UBTF: variants seen among roughly 807,000 people sequenced by gnomAD.
The protein encoded by UBTF is nucleolar transcription factor 1.
In UBTF, 8 loss-of-function variants were observed where a neutral mutation model predicts 112.3. The observed-to-expected ratio is 0.07, with a 90% CI of 0.04 to 0.13. UBTF has a LOEUF of 0.13. Ranked by LOEUF, UBTF falls within the 10% of genes least tolerant of loss-of-function variation. UBTF has a pLI of 1.00. For missense variants in UBTF, 457 were observed against 982.1 expected, an observed-to-expected ratio of 0.47 and a Z score of 7.15; for synonymous variants, 417 against 373.1, an observed-to-expected ratio of 1.12 and a Z score of -1.36.
chr17:44,207,304 A>T lies in UBTF; in HGVS notation c.2233T>A (p.Ser745Thr), dbSNP rs750556487. The T allele has an allele frequency of 9.4e-5, 152 of 1,612,258 alleles. 1 individual carries two copies. In the Middle Eastern group the frequency reaches 1.2e-3, roughly 12 times the overall value. The change falls in exon 21 of 21, where the codon TCC becomes ACC. Residue 745 changes from serine to threonine, a missense_variant. By Grantham distance (58) the Ser-to-Thr change is moderately conservative. Around this residue, in one of 7 missense-constraint regions of UBTF, gnomAD observed 139 missense variants for 157.5 expected, o/e 0.88. Coordinates refer to ENST00000436088, the MANE Select transcript of UBTF (RefSeq NM_014233.4). The stretch of plus-strand genomic sequence containing the variant: ...GAGGAGCTGGAGCTGCTGCCCTCGG[A>T]CTCATTATCTTCATCCTCATCGTCA... ...EDDDEDEDNE[S>T]EGSSSSSSSS...
intron 17 of UBTF, 54 bp from the exon 18 acceptor site, chr17:44,207,965 A>G (rs1157161315): frequency 6.2e-7 from 1 of 1,610,430 alleles, no homozygotes; most frequent in Non-Finnish European, 8.5e-7. Flanking sequence ...CTGCTGACTG[A>G]GCATGCTGGC....
At chr17:44,218,415 T>C (rs2046955819) in intron 1 of UBTF, 119 bp from the exon 2 acceptor site, 1 of 616,750 alleles carries the variant, frequency 1.6e-6, no homozygotes, top group African/African-American at 1.9e-5. Context: ...GCCATGACCT[T>C]ATTAGACTTA....
At position 44,209,626 on chromosome 17, in the gene UBTF, C is replaced by T; in HGVS notation, c.1715+19G>A. ...GACCCTCCCCGACCTCCAGGGCAGA[C>T]TCCAACCCCCAGGCTCACATGGGAG... On this transcript the variant is annotated intron_variant, in intron 16 of 20. Transcript: ENST00000436088. The T allele has an allele frequency of 1.9e-6, 3 of 1,614,168 alleles. No homozygotes were observed. The highest frequency in any genetic ancestry group is 2.5e-6 in the Non-Finnish European group (3 of 1,180,012).
chr17:44,206,847 A>C lies in UBTF; in HGVS notation c.*395T>G. On this transcript the variant is annotated 3_prime_UTR_variant, in exon 21 of 21. Transcript: ENST00000436088. ...TCTGGGAAGGAATGGGTCTTCCCCA[A>C]GCTTCCACCCCACCTTGGATTGGGC... The C allele has an allele frequency of 3.6e-6, 1 of 277,636 alleles. No individual in the cohort carries two copies. The highest frequency in any genetic ancestry group is 2.2e-5 in the African/African-American group (1 of 45,756). The allele number at this position is 277,636 out of a possible 1,614,324, so 17.2% of individuals were successfully genotyped here.
rs1051028040 is a variant in UBTF at position 44,207,524 on chromosome 17, C to T, written c.2099G>A (p.Gly700Glu). The change falls in exon 20 of 21, where the codon GGG (glycine) becomes GAG (glutamate). Residue 700 changes from glycine to glutamate, a missense_variant. By Grantham distance (98) the Gly-to-Glu change is moderately conservative (BLOSUM62 -2). Transcript: ENST00000436088. ...GTCGCCGCCATCTTCAGAGGAGTCCCCATTCTCATCATCTTCCTCTTCTTC... is the reference window on the plus strand; with the variant it reads ...GTCGCCGCCATCTTCAGAGGAGTCCTCATTCTCATCATCTTCCTCTTCTTC... ...EDEEEEDDEN[G>E]DSSEDGGDSS... The T allele has an allele frequency of 1.9e-6, 3 of 1,613,846 alleles. No homozygotes were observed. Among genetic ancestry groups the T allele is most frequent in the East Asian group, 4.5e-5 (2 of 44,858 alleles).
Position 44,207,115 on chromosome 17 carries a change from T to TAAAG in UBTF, c.*123_*126dup, listed in dbSNP as rs1324381589. 9.9e-7 allele frequency: 1 copy of TAAAG among 1,007,560 alleles called. No homozygotes were observed. Among genetic ancestry groups the TAAAG allele is most frequent in the Non-Finnish European group, 1.4e-6 (1 of 706,562 alleles). 62.4% of individuals were successfully genotyped at this position (1,007,560 alleles called of 1,614,324 possible). On this transcript the variant is annotated 3_prime_UTR_variant, in exon 21 of 21. Transcript: ENST00000436088. The stretch of plus-strand genomic sequence containing the variant: ...CCCCCACCGTATTTTTTTTTTTTTT[T>TAAAG]AAAGAAAGAAAGAAAGTGGGGGAGG...
Position 44,208,823 on chromosome 17 carries a change from C to T in UBTF, c.1905+529G>A, listed in dbSNP as rs188796805. 5.0e-4 allele frequency: 138 copies of T among 277,002 alleles called. 2 individuals carry two copies. The highest frequency in any genetic ancestry group is 2.7e-3 in the South Asian group (101 of 37,194). 17.2% of individuals were successfully genotyped at this position (277,002 alleles called of 1,614,324 possible). ...AGGAAAAGGCAGTCTGATTTGGATT[C>T]TTCTACTTACTGTGTGACCTTGGGC... is the stretch of plus-strand genomic sequence containing the variant. On this transcript the variant is annotated intron_variant, in intron 17 of 20. Coordinates refer to ENST00000436088, the MANE Select transcript of UBTF (RefSeq NM_014233.4).
Position 44,212,328 on chromosome 17 carries a change from G to A in UBTF, c.771+16C>T, listed in dbSNP as rs911599056. 10 of 1,601,328 alleles carry A rather than the reference G, an allele frequency of 6.2e-6. No homozygotes were observed. The highest frequency in any genetic ancestry group is 2.7e-5 in the African/African-American group (2 of 74,576). ...CGTGAAGAGCCGGACGGGGAGGAGCGCAGCGGAAGCCTAACCTCGTACTCC... is the reference window on the plus strand; with the variant it reads ...CGTGAAGAGCCGGACGGGGAGGAGCACAGCGGAAGCCTAACCTCGTACTCC... On this transcript the variant is annotated intron_variant, in intron 8 of 20. Coordinates refer to ENST00000436088, the MANE Select transcript of UBTF (RefSeq NM_014233.4).
intron 3 of UBTF, 107 bp downstream of exon 3, chr17:44,216,422 T>G: frequency 7.5e-7 from 1 of 1,342,124 alleles, no homozygotes; most frequent in Non-Finnish European, 1.0e-6. Flanking sequence ...GGAGACCACA[T>G]GAATGCCTCT....
chr17:44,207,986 G>A (rs1363967243), intron 17 of UBTF, 75 bp from the exon 18 acceptor site: 4 of 1,590,368 alleles, frequency 2.5e-6, no homozygotes, highest in Admixed American at 1.7e-5. Flanking sequence ...CCAGTGCTAG[G>A]CAGTGGGCTG....
chr17:44,210,534 G>A, intron 13 of UBTF, 61 bp from the exon 14 acceptor site: 4 of 1,490,766 alleles, frequency 2.7e-6, no homozygotes, highest in African/African-American at 1.4e-5. Context: ...CGCTCCCCGC[G>A]CAGCAGCCCA....
chr17:44,216,483 C>A (rs2046852533), intron 3 of UBTF, 46 bp downstream of exon 3: 1 of 1,604,216 alleles, frequency 6.2e-7, no homozygotes, highest in South Asian at 1.1e-5. Flanking sequence ...CCCCACCACG[C>A]TGAGTGGGGG....
intron 5 of UBTF, 142 bp downstream of exon 5, chr17:44,215,512 G>T: frequency 9.7e-7 from 1 of 1,030,820 alleles, no homozygotes; most frequent in Non-Finnish European, 1.4e-6. Flanking sequence ...ATCAGGTGTG[G>T]CTGCCCAGGA....
intron 5 of UBTF, 40 bp from the exon 6 acceptor site, chr17:44,213,322 G>T (rs2033283828): frequency 1.3e-6 from 2 of 1,599,760 alleles, no homozygotes; most frequent in African/African-American, 2.7e-5. Context: ...GGACCCAAGG[G>T]TATCTCACCC....
chr17:44,212,326 G>T lies in UBTF; in HGVS notation c.771+18C>A. Reference sequence around the variant, plus strand: ...CTCGTGAAGAGCCGGACGGGGAGGAGCGCAGCGGAAGCCTAACCTCGTACT... The same window carrying T: ...CTCGTGAAGAGCCGGACGGGGAGGATCGCAGCGGAAGCCTAACCTCGTACT... On this transcript the variant is annotated intron_variant, in intron 8 of 20. Transcript: ENST00000436088. The T allele has an allele frequency of 1.9e-6, 3 of 1,601,348 alleles. No homozygotes were observed. Among genetic ancestry groups the T allele is most frequent in the Middle Eastern group, 1.9e-4 (1 of 5,258 alleles).
upstream of UBTF, chr17:44,220,961 C>T (rs1478781954): frequency 6.8e-6 from 1 of 148,116 alleles, no homozygotes; most frequent in Non-Finnish European, 1.5e-5. Flanking sequence ...CAGCGCCGCT[C>T]CGAGCGCTTG....
intron 8 of UBTF, 70 bp downstream of exon 8, chr17:44,212,274 G>A (rs2056735565): frequency 6.0e-6 from 8 of 1,343,976 alleles, no homozygotes; most frequent in East Asian, 2.3e-5. Flanking sequence ...CGCAGAGTGC[G>A]GTGGCCACGG....
Position 44,210,245 on chromosome 17 carries a change from A to G in UBTF, c.1516-11T>C. On this transcript the variant is annotated splice_polypyrimidine_tract_variant and intron_variant, in intron 14 of 20. Transcript: ENST00000436088. ...CTTCACCCGGTCATTCTGGGGACCA[A>G]TAAGGGTATCAGCCGTGGGAGGGGT... 3 of 1,614,226 alleles carry G rather than the reference A, an allele frequency of 1.9e-6. No individual in the cohort carries two copies. The highest frequency in any genetic ancestry group is 1.7e-6 in the Non-Finnish European group (2 of 1,180,030).
Position 44,216,518 on chromosome 17 carries a change from G to C in UBTF, c.234+11C>G, listed in dbSNP as rs779941922. ...GGTATGTGTGTATGTCAGAAAAGGG[G>C]GATCAGTTACCTCATTAGAAATCTC... On this transcript the variant is annotated intron_variant, in intron 3 of 20. Transcript: ENST00000436088. The C allele has an allele frequency of 1.9e-6, 3 of 1,613,768 alleles. No homozygotes were observed. The highest frequency in any genetic ancestry group is 2.2e-5 in the South Asian group (2 of 91,084).
Sources: gnomAD v4.1 joint callset for allele counts on GRCh38, gnomAD v4.1.1 for gene constraint, gnomAD v4.1.1 regional missense constraint, MANE v1.5 for transcripts, NCBI Gene and HGNC (gene_info 2026-07-23, HGNC 2026-07-21) for gene names.